SIL1: variants seen among roughly 807,000 people sequenced by gnomAD.
The protein encoded by SIL1 is nucleotide exchange factor SIL1.
Under a neutral mutation model 49.1 loss-of-function variants are expected in SIL1, and 40 were observed. The ratio of observed to expected loss-of-function variants is 0.81; its 90% CI spans 0.63 to 1.06. SIL1 has a LOEUF of 1.06. Among genes scored for constraint, SIL1 ranks in the 50% least tolerant of loss-of-function variants. SIL1 has a pLI of 0.00. For synonymous variants in SIL1, 253 were observed against 250.8 expected (o/e 1.01, Z -0.08); for missense variants, 500 against 572.6 (o/e 0.87, Z 1.29).
intron 1 of SIL1, among the ~76,000 whole-genome samples, chr5:139,167,532 T>A (rs1339395511): frequency 2.0e-5 from 3 of 152,238 alleles, no homozygotes; most frequent in African/African-American, 7.2e-5. Flanking sequence ...GCTTACAGAA[T>A]AATGTATAAA....
intron 3 of SIL1, among the ~76,000 whole-genome samples, chr5:139,074,956 CT>C: frequency 6.6e-6 from 1 of 152,264 alleles, no homozygotes; most frequent in African/African-American, 2.4e-5. Flanking sequence ...TCCTGAGTAG[CT>C]GGGATTACAG....
At chr5:139,125,847 C>G (rs1750741188) in intron 2 of SIL1, among the ~76,000 whole-genome samples, 1 of 152,214 alleles carries the variant, frequency 6.6e-6, no homozygotes, top group East Asian at 1.9e-4. Context: ...CACAGCCCTT[C>G]AGCATCTACA....
intron 2 of SIL1, among the ~76,000 whole-genome samples, chr5:139,123,745 C>G (rs566818587): frequency 5.3e-4 from 81 of 152,250 alleles, no homozygotes; most frequent in African/African-American, 1.8e-3. Flanking sequence ...GAAACTGGAG[C>G]CCTCTTGCCT....
intron 7 of SIL1, among the ~76,000 whole-genome samples, chr5:138,972,722 A>C (rs1767306412): frequency 6.6e-6 from 1 of 152,234 alleles, no homozygotes; most frequent in African/African-American, 2.4e-5. Flanking sequence ...GAAACAGTTC[A>C]AACAGCAACT....
chr5:138,947,666 T>C lies in SIL1; in HGVS notation c.1030-193A>G, dbSNP rs1445600390. On this transcript the variant is annotated intron_variant, in intron 9 of 9. Transcript: ENST00000394817. The surrounding 1 kb of genome is among the most constrained non-coding windows in gnomAD (Gnocchi z 4.1). Reference sequence around the variant, plus strand: ...TCATTCATCCACCAACAGAAACACTTGTGTGGTGCCAGGTGCTGAAGAAAC... The same window carrying C: ...TCATTCATCCACCAACAGAAACACTCGTGTGGTGCCAGGTGCTGAAGAAAC... Among the ~76,000 whole-genome samples the C allele has an allele frequency of 1.3e-5, 2 of 152,180 alleles. No homozygotes were observed. Among genetic ancestry groups the C allele is most frequent in the Non-Finnish European group, 2.9e-5 (2 of 68,036 alleles).
intron 7 of SIL1, among the ~76,000 whole-genome samples, chr5:138,981,150 T>G (rs1299184469): frequency 6.7e-6 from 1 of 148,292 alleles, no homozygotes; most frequent in Non-Finnish European, 1.5e-5. Flanking sequence ...GTGGCGGAGG[T>G]TGCAGCAAGC....
At chr5:139,051,300 C>T (rs1769279144) in intron 3 of SIL1, 2 of 522,920 alleles carry the variant, frequency 3.8e-6, no homozygotes, top group Non-Finnish European at 6.9e-6. Flanking sequence ...ATCTAGAGAC[C>T]AATGTCCCCC....
chr5:139,140,984 C>A (rs1751068669), intron 1 of SIL1, among the ~76,000 whole-genome samples: 1 of 152,102 alleles, frequency 6.6e-6, no homozygotes, highest in Non-Finnish European at 1.5e-5. Context: ...TTGCTGAGAG[C>A]ACAGTTACAA....
intron 3 of SIL1, among the ~76,000 whole-genome samples, chr5:139,119,067 A>G (rs1235521317): frequency 6.6e-6 from 1 of 152,218 alleles, no homozygotes; most frequent in East Asian, 1.9e-4. Flanking sequence ...GACAACTCCA[A>G]GGGAATTTTG....
chr5:139,120,182 T>C (rs1412184280), intron 3 of SIL1, among the ~76,000 whole-genome samples: 22 of 152,208 alleles, frequency 1.4e-4, no homozygotes, highest in Non-Finnish European at 2.9e-4. Flanking sequence ...AACTACACTG[T>C]GGCAGCTGCT....
At chr5:138,978,598 A>G (rs1767443025) in intron 7 of SIL1, among the ~76,000 whole-genome samples, 1 of 152,218 alleles carries the variant, frequency 6.6e-6, no homozygotes, top group Non-Finnish European at 1.5e-5. Flanking sequence ...ATGTTTAACT[A>G]TTTGAAGAAC....
At position 139,029,735 on chromosome 5, in the gene SIL1, G is replaced by A. The variant is rs1581042758; in HGVS notation, c.454-2743C>T. ...GGCTGGTCTTGAACTCCTGGCTCAA[G>A]CGATCCACCCACCTCAGCCTCCCAA... On this transcript the variant is annotated intron_variant, in intron 5 of 9. Transcript: ENST00000394817. Among the ~76,000 whole-genome samples the A allele has an allele frequency of 2.0e-5, 3 of 151,936 alleles. No homozygotes were observed. In the South Asian group the frequency reaches 6.3e-4, roughly 32 times the overall value.
At position 139,021,308 on chromosome 5, in the gene SIL1, T is replaced by C. The variant is rs1312315208; in HGVS notation, c.646-16A>G. On this transcript the variant is annotated splice_polypyrimidine_tract_variant and intron_variant, in intron 6 of 9. Transcript: ENST00000394817. ...CATTGTCCATCTGCAACAGAGCCAC[T>C]GCTTAGTACAGCATAGCCATCAGGG... is the stretch of plus-strand genomic sequence containing the variant. The C allele has an allele frequency of 1.9e-6, 3 of 1,613,950 alleles. No homozygotes were observed. Among genetic ancestry groups the C allele is most frequent in the Non-Finnish European group, 2.5e-6 (3 of 1,179,986 alleles).
chr5:138,959,246 C>T (rs1331740368), intron 7 of SIL1, among the ~76,000 whole-genome samples: 3 of 152,120 alleles, frequency 2.0e-5, no homozygotes, highest in Non-Finnish European at 4.4e-5. Flanking sequence ...AACGTGGCTC[C>T]GAAGACCTGA....
chr5:139,080,428 G>A (rs191354146), intron 3 of SIL1, among the ~76,000 whole-genome samples: 2 of 152,298 alleles, frequency 1.3e-5, no homozygotes, highest in Admixed American at 1.3e-4. Context: ...TGACAGAGCA[G>A]ATATTTGAGA....
At chr5:138,990,765 A>C (rs866743196) in intron 7 of SIL1, among the ~76,000 whole-genome samples, 1 of 151,996 alleles carries the variant, frequency 6.6e-6, no homozygotes, top group Admixed American at 6.6e-5. Context: ...AGTCTTGCTG[A>C]AGTCCAGTGG....
In SIL1 at chr5:139,051,058, G is replaced by C; in HGVS notation, c.245-12C>G. On this transcript the variant is annotated splice_polypyrimidine_tract_variant and intron_variant, in intron 3 of 9. Transcript: ENST00000394817. ...AGGGACAGCCTGCCCTAAAAGCCAA[G>C]AAGAGAAAAGGCTCATGAGGTACAA... The C allele has an allele frequency of 6.2e-7, 1 of 1,613,086 alleles. No individual in the cohort carries two copies.
At chr5:139,109,526 C>A (rs918682492) in intron 3 of SIL1, among the ~76,000 whole-genome samples, 1 of 151,914 alleles carries the variant, frequency 6.6e-6, no homozygotes, top group Non-Finnish European at 1.5e-5. Flanking sequence ...ATCATGACCC[C>A]GCAGATTCCA....
chr5:139,101,993 G>A (rs141878942), intron 3 of SIL1, among the ~76,000 whole-genome samples: 455 of 152,278 alleles, frequency 3.0e-3, no homozygotes, highest in Non-Finnish European at 4.9e-3. Flanking sequence ...GTTTGCCCTC[G>A]CTGAAATGCT....
Sources: gnomAD v4.1 joint callset for allele counts (sites outside exome capture counted in the v4.1 genomes callset) on GRCh38, gnomAD v4.1.1 for gene constraint, Gnocchi (gnomAD v3.1) non-coding constraint, MANE v1.5 for transcripts, NCBI Gene and HGNC (gene_info 2026-07-23, HGNC 2026-07-21) for gene names.